The following USP9X variants were observed in gnomAD, a reference collection of about 807,000 sequenced individuals.
USP9X encodes the protein ubiquitin specific peptidase 9 X-linked.
A neutral mutation model predicts 190.3 loss-of-function variants in USP9X; 7 were observed. That is an observed-to-expected ratio of 0.04 (90% CI 0.02 to 0.07). The LOEUF is 0.07. USP9X is among the 10% of genes least tolerant of loss of function. The pLI, the probability that USP9X is intolerant of heterozygous loss-of-function variation, is 1.00. For synonymous variants in USP9X, 645 were observed against 659.5 expected (o/e 0.98, Z 0.34); for missense variants, 1,010 against 1,916.9 (o/e 0.53, Z 8.83).
chrX:41,170,014 C>T lies in USP9X; in HGVS notation c.2656C>T (p.Leu886Phe). Residue 886 changes from leucine to phenylalanine, a missense_variant, in exon 19 of 45, where the codon CTC becomes TTC. Physicochemically the swap from Leu to Phe is conservative, Grantham distance 22. This residue lies in a region of USP9X where 351 missense variants were observed against 480.8 expected (regional missense o/e 0.73). Transcript: ENST00000378308. ...PMSRAFRGKH[L>F]SFVVRFPNQG... ...CCCCAGAGCATTCCGCGGTAAACAC[C>T]TCTCTTTTGTAGTTCGATTTCCAAA... 8.3e-7 allele frequency: 1 copy of T among 1,211,464 alleles called. No homozygotes were observed. Among genetic ancestry groups the T allele is most frequent in the Non-Finnish European group, 1.1e-6 (1 of 895,342 alleles).
At chrX:41,096,531 C>T (rs2061992640) in intron 1 of USP9X, among the ~76,000 whole-genome samples, 1 of 111,738 alleles carries the variant, frequency 8.9e-6, no homozygotes, top group African/African-American at 3.3e-5. Context: ...CAACGTCTGC[C>T]TCCTGGGTTT....
intron 1 of USP9X, among the ~76,000 whole-genome samples, chrX:41,107,279 A>G (rs2062077572): frequency 8.9e-6 from 1 of 112,159 alleles, no homozygotes; most frequent in Admixed American, 9.4e-5. Flanking sequence ...TTGGCCTCCC[A>G]AAGTGCTGGG....
At chrX:41,092,391 C>G (rs953256187) in intron 1 of USP9X, among the ~76,000 whole-genome samples, 3 of 111,309 alleles carry the variant, frequency 2.7e-5, no homozygotes, top group Non-Finnish European at 3.8e-5. Flanking sequence ...TCATTATTAA[C>G]TTGGACCCCA....
chrX:41,096,953 A>C (rs2061996015), intron 1 of USP9X, among the ~76,000 whole-genome samples: 3 of 112,469 alleles, frequency 2.7e-5, no homozygotes, highest in Admixed American at 1.9e-4. Flanking sequence ...CAGAGAAGGT[A>C]AACACTTTAA....
intron 34 of USP9X, 42 bp from the exon 35 acceptor site, chrX:41,215,849 TCCTGTGGA>T (rs1602045609): frequency 3.5e-6 from 4 of 1,129,065 alleles, no homozygotes; most frequent in Admixed American, 3.0e-5. Flanking sequence ...TTTTTTTTTT[TCCTGTGGA>T]TTTTAATAGA....
intron 34 of USP9X, among the ~76,000 whole-genome samples, chrX:41,215,366 T>A (rs2063202575): frequency 8.9e-6 from 1 of 112,656 alleles, no homozygotes; most frequent in African/African-American, 3.2e-5. Flanking sequence ...GTCCTGAAGT[T>A]TAAAGATTGA....
At chrX:41,139,670 AAC>A (rs2062405318) in intron 6 of USP9X, among the ~76,000 whole-genome samples, 1 of 112,609 alleles carries the variant, frequency 8.9e-6, no homozygotes, top group African/African-American at 3.2e-5. Context: ...AAAACAAAAA[AAC>A]ACACAGAAAA....
In USP9X at chrX:41,232,628, A is replaced by C; in HGVS notation, c.*104A>C. On this transcript the variant is annotated 3_prime_UTR_variant, in exon 45 of 45. Coordinates refer to ENST00000378308, the MANE Select transcript of USP9X (RefSeq NM_001039591.3). ...ATTTAAAACTAGAAAAACTATTCCTAATCAACATGGAGTGGAGAGTTTATT... is the reference window on the plus strand; with the variant it reads ...ATTTAAAACTAGAAAAACTATTCCTCATCAACATGGAGTGGAGAGTTTATT... The C allele has an allele frequency of 9.6e-7, 1 of 1,037,356 alleles. No homozygotes were observed. The highest frequency in any genetic ancestry group is 2.6e-4 in the Middle Eastern group (1 of 3,785). 85.5% of individuals were successfully genotyped at this position (1,037,356 alleles called of 1,213,427 possible).
intron 21 of USP9X, among the ~76,000 whole-genome samples, chrX:41,181,435 C>CTT (rs200403625): frequency 0.082 from 3,155 of 38,384 alleles, 1,070 homozygotes; most frequent in Non-Finnish European, 0.14. Flanking sequence ...CCACACCTGA[C>CTT]TTTTTTTTTT....
intron 14 of USP9X, among the ~76,000 whole-genome samples, chrX:41,156,228 T>C (rs2062577745): frequency 8.9e-6 from 1 of 112,078 alleles, no homozygotes; most frequent in African/African-American, 3.2e-5. Flanking sequence ...AGCAAGAGTC[T>C]GTAGCATTTG....
chrX:41,108,000 A>G (rs2062082524), intron 1 of USP9X, among the ~76,000 whole-genome samples: 1 of 112,051 alleles, frequency 8.9e-6, no homozygotes, highest in Non-Finnish European at 1.9e-5. Flanking sequence ...TCTTTTGCCT[A>G]CTTTTTTTCT....
chrX:41,106,411 G>T (rs1395810234), intron 1 of USP9X, among the ~76,000 whole-genome samples: 2 of 110,124 alleles, frequency 1.8e-5, no homozygotes, highest in Admixed American at 2.0e-4. Context: ...GAAATATGCA[G>T]TCATACTGTT....
chrX:41,192,722 C>T (rs771600151), intron 26 of USP9X, among the ~76,000 whole-genome samples: 1 of 111,347 alleles, frequency 9.0e-6, no homozygotes, highest in Non-Finnish European at 1.9e-5. Context: ...TGATCAAATA[C>T]CTATTGTCTA....
intron 41 of USP9X, 189 bp from the exon 42 acceptor site, chrX:41,229,064 A>G (rs2063339363): frequency 3.3e-6 from 1 of 306,682 alleles, no homozygotes; most frequent in African/African-American, 2.8e-5. Context: ...AGATGGCGCC[A>G]CTGCACTCCA....
intron 32 of USP9X, 72 bp from the exon 33 acceptor site, chrX:41,210,437 C>A: frequency 9.1e-7 from 1 of 1,095,064 alleles, no homozygotes; most frequent in South Asian, 2.1e-5. Context: ...TTTTTTTCCC[C>A]TGAAAAATAT....
chrX:41,116,709 A>AT (rs1487346287), intron 1 of USP9X, among the ~76,000 whole-genome samples: 1 of 112,020 alleles, frequency 8.9e-6, no homozygotes, highest in Admixed American at 9.5e-5. Flanking sequence ...GAAAATTTAC[A>AT]TTTTTTTGAG....
intron 43 of USP9X, among the ~76,000 whole-genome samples, chrX:41,230,100 C>G (rs1165995683): frequency 9.0e-6 from 1 of 111,414 alleles, no homozygotes; most frequent in Non-Finnish European, 1.9e-5. Context: ...ACTTGGGAGG[C>G]TGAGGCTGGA....
intron 41 of USP9X, among the ~76,000 whole-genome samples, chrX:41,228,181 A>G (rs1334507400): frequency 8.9e-6 from 1 of 112,115 alleles, no homozygotes; most frequent in East Asian, 2.8e-4. Flanking sequence ...ACTTAGCTTA[A>G]TGTTTTCAGA....
chrX:41,118,360 G>A (rs774087242), intron 1 of USP9X, among the ~76,000 whole-genome samples: 2 of 110,246 alleles, frequency 1.8e-5, no homozygotes, highest in Non-Finnish European at 3.8e-5. Context: ...CTGGGTACCC[G>A]TGTACTTGGA....
Sources: allele counts gnomAD v4.1 joint callset (sites outside exome capture counted in the v4.1 genomes callset), GRCh38; gene constraint gnomAD v4.1.1; regional missense constraint gnomAD v4.1.1; transcripts MANE v1.5; gene names NCBI Gene and HGNC (gene_info 2026-07-23, HGNC 2026-07-21).